MAP3K5: variants seen among roughly 807,000 people sequenced by gnomAD.
MAP3K5 encodes ASK-1.
MAP3K5 carries 56 observed loss-of-function variants against 158.7 expected under a neutral mutation model. That is an observed-to-expected ratio of 0.35 (90% CI 0.28 to 0.44). The LOEUF (loss-of-function observed/expected upper bound fraction) is 0.44. MAP3K5 is among the 20% of genes least tolerant of loss of function. The pLI is 1.00. For synonymous variants in MAP3K5, 579 were observed against 601.7 expected, an observed-to-expected ratio of 0.96 and a Z score of 0.55; for missense variants, 1,294 against 1,674.8, an observed-to-expected ratio of 0.77 and a Z score of 3.97.
At chr6:136,559,053 C>A (rs1242045486) in intron 28 of MAP3K5, among the ~76,000 whole-genome samples, 177 bp from the exon 29 acceptor site, 1 of 151,824 alleles carries the variant, frequency 6.6e-6, no homozygotes, top group Non-Finnish European at 1.5e-5. Context: ...TCAATAAATA[C>A]AAAGAAATGC....
intron 2 of MAP3K5, among the ~76,000 whole-genome samples, chr6:136,707,868 A>G (rs1202287154): frequency 6.6e-6 from 1 of 152,266 alleles, no homozygotes; most frequent in African/African-American, 2.4e-5. Flanking sequence ...GGAATACATT[A>G]CACCCAAACA....
At position 136,661,703 on chromosome 6, in the gene MAP3K5, G is replaced by C. The variant is rs189838054; in HGVS notation, c.1367-2325C>G. On this transcript the variant is annotated intron_variant, in intron 8 of 29. Coordinates refer to ENST00000359015, the MANE Select transcript of MAP3K5 (RefSeq NM_005923.4). Reference sequence around the variant, plus strand: ...AACTGGCTAATTAAATTTCTTTGTAGTTTCTACTTTTTATTTTTTTGTAGA... The same window carrying C: ...AACTGGCTAATTAAATTTCTTTGTACTTTCTACTTTTTATTTTTTTGTAGA... Among the ~76,000 whole-genome samples, 7 of 152,148 alleles carry C rather than the reference G, an allele frequency of 4.6e-5. No homozygotes were observed. In the East Asian group the frequency reaches 1.4e-3, roughly 29 times the overall value.
In MAP3K5 at chr6:136,792,321, G is replaced by T; in HGVS notation, c.-164C>A. On this transcript the variant is annotated 5_prime_UTR_variant, in exon 1 of 30. Coordinates refer to ENST00000359015, the MANE Select transcript of MAP3K5 (RefSeq NM_005923.4). This position sits in a 1 kb window ranked among gnomAD's most constrained non-coding sequence, Gnocchi z 5.7. ...CCTCCTCTCCGGCGCCCTCTCCCCCGAGGGCACGCCGCTGCCCGGCGGCGG... is the reference window on the plus strand; with the variant it reads ...CCTCCTCTCCGGCGCCCTCTCCCCCTAGGGCACGCCGCTGCCCGGCGGCGG... 9.8e-7 allele frequency: 1 copy of T among 1,021,242 alleles called. No individual in the cohort carries two copies. The highest frequency in any genetic ancestry group is 4.5e-5 in the South Asian group (1 of 22,402). 63.3% of individuals were successfully genotyped at this position (1,021,242 alleles called of 1,614,324 possible).
At chr6:136,712,745 T>C (rs1302334221) in intron 2 of MAP3K5, among the ~76,000 whole-genome samples, 2 of 152,174 alleles carry the variant, frequency 1.3e-5, no homozygotes, top group African/African-American at 2.4e-5. Flanking sequence ...GGGAGGGACC[T>C]GGTGGGAGAT....
At chr6:136,570,945 C>T (rs1265233793) in intron 25 of MAP3K5, among the ~76,000 whole-genome samples, 1 of 152,166 alleles carries the variant, frequency 6.6e-6, no homozygotes, top group East Asian at 1.9e-4. Flanking sequence ...GAAACCTGAC[C>T]TTCAAACCAA....
chr6:136,768,229 A>G (rs1380035806), intron 1 of MAP3K5, among the ~76,000 whole-genome samples: 2 of 152,246 alleles, frequency 1.3e-5, no homozygotes, highest in African/African-American at 4.8e-5. Flanking sequence ...AAATTAAAAC[A>G]TTTTGTGCTT....
chr6:136,715,451 C>G (rs1781478013), intron 2 of MAP3K5, among the ~76,000 whole-genome samples: 1 of 152,192 alleles, frequency 6.6e-6, no homozygotes. Context: ...TATAACATTA[C>G]AGATACAGTT....
intron 1 of MAP3K5, among the ~76,000 whole-genome samples, chr6:136,756,698 TGG>T (rs1783506616): frequency 6.6e-6 from 1 of 152,180 alleles, no homozygotes; most frequent in Admixed American, 6.5e-5. Context: ...GTCATACTAT[TGG>T]ATGCTTAAAG....
rs758049567 is a variant in MAP3K5, at chr6:136,580,333, G to A, written c.3485C>T (p.Ala1162Val). The A allele has an allele frequency of 2.5e-5, 40 of 1,613,292 alleles. No individual in the cohort carries two copies. The highest frequency in any genetic ancestry group is 2.3e-4 in the South Asian group (21 of 91,044). ...CAGGATGGTAATGGCTGTCTGTACC[G>A]CCTTCCGAATGATACTGTCTAAGGC... ...MFALDSIIRK[A>V]VQTAITILVP... The change falls in exon 25 of 30, where the codon GCG becomes GTG. Residue 1162 changes from alanine (A) to valine (V), a missense_variant. Ala to Val is a moderately conservative substitution (Grantham distance 64). Transcript: ENST00000359015.
At chr6:136,737,027 A>ATGTGTG (rs1388190123) in intron 1 of MAP3K5, among the ~76,000 whole-genome samples, 1 of 128,658 alleles carries the variant, frequency 7.8e-6, no homozygotes, top group African/African-American at 3.0e-5. Context: ...TTACATATAT[A>ATGTGTG]TATGTGTGTG....
intron 18 of MAP3K5, among the ~76,000 whole-genome samples, chr6:136,606,893 T>G (rs1428535110): frequency 6.6e-6 from 1 of 152,336 alleles, no homozygotes; most frequent in East Asian, 1.9e-4. Flanking sequence ...AGAAATGGAC[T>G]ATTGTTTACA....
intron 21 of MAP3K5, among the ~76,000 whole-genome samples, chr6:136,595,696 T>G (rs1775594930): frequency 6.6e-6 from 1 of 152,150 alleles, no homozygotes; most frequent in Non-Finnish European, 1.5e-5. Context: ...GGGGTGTTAT[T>G]TGACAGTTCA....
Position 136,792,207 on chromosome 6 carries a change from C to G in MAP3K5, c.-50G>C, listed in dbSNP as rs1247111813. 6.6e-7 allele frequency: 1 copy of G among 1,515,388 alleles called. No individual in the cohort carries two copies. The highest frequency in any genetic ancestry group is 8.8e-7 in the Non-Finnish European group (1 of 1,136,284). 93.9% of individuals were successfully genotyped at this position (1,515,388 alleles called of 1,614,324 possible). A position where few individuals can be genotyped will look rare whatever the true frequency, so the allele number is the denominator to read the frequency against. On this transcript the variant is annotated 5_prime_UTR_variant, in exon 1 of 30. Coordinates refer to ENST00000359015, the MANE Select transcript of MAP3K5 (RefSeq NM_005923.4). The surrounding 1 kb of genome is among the most constrained non-coding windows in gnomAD (Gnocchi z 5.7). The stretch of plus-strand genomic sequence containing the variant: ...GGCGGCGTCCCCCGCCCAGCCGCAC[C>G]GCCTGGCCAGCCACAGCTCGGGGCT...
chr6:136,596,416 G>T (rs968080677), intron 21 of MAP3K5, among the ~76,000 whole-genome samples: 4 of 152,214 alleles, frequency 2.6e-5, no homozygotes, highest in Non-Finnish European at 4.4e-5. Context: ...CGTGGAAGGG[G>T]AGACGCTACA....
Position 136,557,541 on chromosome 6 carries a change from A to G in MAP3K5, c.*217T>C, listed in dbSNP as rs1205072450. 1.3e-5 allele frequency: 6 copies of G among 462,952 alleles called. No individual in the cohort carries two copies. Among genetic ancestry groups the G allele is most frequent in the African/African-American group, 1.0e-4 (5 of 50,134 alleles). 28.7% of individuals were successfully genotyped at this position (462,952 alleles called of 1,614,324 possible). On this transcript the variant is annotated 3_prime_UTR_variant, in exon 30 of 30. Transcript: ENST00000359015. Reference sequence around the variant, plus strand: ...GGGTTCTAATGTTCAGGATTATTTTAAGAGTCCTTATGAAGAGTCCTTAAA... The same window carrying G: ...GGGTTCTAATGTTCAGGATTATTTTGAGAGTCCTTATGAAGAGTCCTTAAA...
intron 7 of MAP3K5, among the ~76,000 whole-genome samples, chr6:136,669,953 A>T (rs1327926164): frequency 5.3e-5 from 8 of 151,936 alleles, no homozygotes; most frequent in African/African-American, 1.7e-4. Flanking sequence ...AACCCCGCAC[A>T]TATTTTTTAA....
chr6:136,679,359 C>T (rs1160035166), intron 7 of MAP3K5, among the ~76,000 whole-genome samples: 1 of 152,136 alleles, frequency 6.6e-6, no homozygotes. Flanking sequence ...CAAGTTCTTG[C>T]TATTTTTCCT....
intron 1 of MAP3K5, among the ~76,000 whole-genome samples, chr6:136,741,139 C>A (rs758438112): frequency 1.3e-5 from 2 of 152,042 alleles, no homozygotes; most frequent in Non-Finnish European, 2.9e-5. Flanking sequence ...TATATCCAGG[C>A]AAATGATAAA....
At chr6:136,629,755 T>C (rs9402836) in intron 14 of MAP3K5, among the ~76,000 whole-genome samples, 105,528 of 151,260 alleles carry the variant, frequency 0.7, 37,538 homozygotes, top group African/African-American at 0.82. Context: ...CGCCCGGCCA[T>C]ATCTCACCTT....
Sources: gnomAD v4.1 joint callset for allele counts (sites outside exome capture counted in the v4.1 genomes callset) on GRCh38, gnomAD v4.1.1 for gene constraint, Gnocchi (gnomAD v3.1) non-coding constraint, MANE v1.5 for transcripts, NCBI Gene and HGNC (gene_info 2026-07-23, HGNC 2026-07-21) for gene names.